Variants in ZW10 observed in about 807,000 individuals in gnomAD.
ZW10 encodes the protein centromere/kinetochore protein zw10 homolog.
A neutral mutation model predicts 87.8 loss-of-function variants in ZW10; 53 were observed. That is an observed-to-expected ratio of 0.60 (90% CI 0.48 to 0.76). The LOEUF (loss-of-function observed/expected upper bound fraction) is 0.76, where lower values mean the gene tolerates loss of function less well. Ranked by LOEUF, ZW10 falls within the 30% of genes least tolerant of loss-of-function variation. The probability of loss-of-function intolerance (pLI) is 0.00; values close to 1 mark genes in which losing one functional copy is unlikely to be tolerated. For synonymous variants in ZW10, 312 were observed against 329.2 expected, an observed-to-expected ratio of 0.95 and a Z score of 0.57; for missense variants, 837 against 923.0, an observed-to-expected ratio of 0.91 and a Z score of 1.21.
intron 12 of ZW10, 80 bp downstream of exon 12, chr11:113,739,133 T>C: frequency 2.7e-6 from 4 of 1,503,424 alleles, no homozygotes; most frequent in Non-Finnish European, 3.6e-6. Flanking sequence ...TTTCTAATTT[T>C]CTCATTCAAA....
In ZW10 at chr11:113,768,828, C is replaced by G; in HGVS notation, c.240+5G>C. On this transcript the variant is annotated splice_donor_5th_base_variant and intron_variant, in intron 2 of 15. Coordinates refer to ENST00000200135, the MANE Select transcript of ZW10 (RefSeq NM_004724.4). ...AACCTACCCAATATAACAAATTATCCTTACCTCACTCTCTATCCTGGATTT... is the reference window on the plus strand; with the variant it reads ...AACCTACCCAATATAACAAATTATCGTTACCTCACTCTCTATCCTGGATTT... The G allele has an allele frequency of 6.2e-7, 1 of 1,613,816 alleles. No homozygotes were observed. Among genetic ancestry groups the G allele is most frequent in the Non-Finnish European group, 8.5e-7 (1 of 1,179,900 alleles).
intron 7 of ZW10, among the ~76,000 whole-genome samples, chr11:113,752,653 G>A (rs1953745496): frequency 6.6e-6 from 1 of 152,140 alleles, no homozygotes; most frequent in South Asian, 2.1e-4. Context: ...GTAAGACAGT[G>A]AACTTAACAA....
At chr11:113,737,084 C>A (rs1953562264) in intron 14 of ZW10, among the ~76,000 whole-genome samples, 1 of 152,130 alleles carries the variant, frequency 6.6e-6, no homozygotes, top group Non-Finnish European at 1.5e-5. Flanking sequence ...GAATGTCGCA[C>A]AGCTTGTTGC....
Position 113,741,767 on chromosome 11 carries a change from T to C in ZW10, c.1512-2A>G. ...ACTGAGTAGAAAAGTTGAACAGCAC[T>C]AAAAAGAAAACATAGACTTAACAGA... On this transcript the variant is annotated splice_acceptor_variant, in intron 10 of 15. Transcript: ENST00000200135. LOFTEE classifies it high-confidence loss of function. 6.2e-7 allele frequency: 1 copy of C among 1,601,800 alleles called. No individual in the cohort carries two copies. The highest frequency in any genetic ancestry group is 8.5e-7 in the Non-Finnish European group (1 of 1,174,004).
intron 5 of ZW10, 38 bp downstream of exon 5, chr11:113,760,171 C>A: frequency 3.8e-6 from 6 of 1,599,338 alleles, no homozygotes; most frequent in Non-Finnish European, 5.1e-6. Context: ...CTGGTTCAGG[C>A]AGATGAAGCA....
chr11:113,750,481 T>C (rs1353782126), intron 7 of ZW10, among the ~76,000 whole-genome samples: 2 of 152,106 alleles, frequency 1.3e-5, no homozygotes, highest in Admixed American at 1.3e-4. Context: ...TTTTTGTATA[T>C]TTAGTAGAGA....
In ZW10 at chr11:113,733,675, C is replaced by A. The variant is rs202014087; in HGVS notation, c.*19G>T. Reference sequence around the variant, plus strand: ...AAGAATCCACATATTCAAGACATAGCTTTCTTAAGAAGATGGAGCTATTTA... The same window carrying A: ...AAGAATCCACATATTCAAGACATAGATTTCTTAAGAAGATGGAGCTATTTA... On this transcript the variant is annotated 3_prime_UTR_variant, in exon 16 of 16. Transcript: ENST00000200135. 47 of 1,613,560 alleles carry A rather than the reference C, an allele frequency of 2.9e-5. No individual in the cohort carries two copies. Among genetic ancestry groups the A allele is most frequent in the Non-Finnish European group, 5.1e-6 (6 of 1,179,962 alleles).
At chr11:113,770,134 G>C (rs1953948825) in intron 1 of ZW10, 1 of 147,504 alleles carries the variant, frequency 6.8e-6, no homozygotes, top group African/African-American at 2.6e-5. Flanking sequence ...TGTCATCCAG[G>C]CTGGAATGCG....
At chr11:113,765,942 T>C (rs1036021552) in intron 2 of ZW10, among the ~76,000 whole-genome samples, 1 of 152,176 alleles carries the variant, frequency 6.6e-6, no homozygotes, top group Non-Finnish European at 1.5e-5. Flanking sequence ...TCTATTAATA[T>C]AAAGCAATCT....
At chr11:113,751,633 T>C (rs1315064940) in intron 7 of ZW10, among the ~76,000 whole-genome samples, 1 of 152,212 alleles carries the variant, frequency 6.6e-6, no homozygotes, top group Non-Finnish European at 1.5e-5. Flanking sequence ...CCCCGCACTT[T>C]GGGAGCCAAG....
intron 6 of ZW10, among the ~76,000 whole-genome samples, chr11:113,758,206 CA>C (rs141700450): frequency 5.4e-5 from 8 of 148,748 alleles, no homozygotes; most frequent in African/African-American, 7.4e-5. Context: ...GTAAGCATGT[CA>C]AAAAAAAAAT....
chr11:113,760,060 G>C, intron 5 of ZW10, 149 bp downstream of exon 5: 2 of 973,344 alleles, frequency 2.1e-6, no homozygotes, highest in Non-Finnish European at 2.9e-6. Context: ...TTGGTCCTAA[G>C]AAAGCATCTT....
chr11:113,757,808 G>A lies in ZW10; in HGVS notation c.779C>T (p.Pro260Leu), dbSNP rs1953807893. ...GCTTTCTATCACAGCATGAAGGGAT[G>A]GGCAAGATGCCAGCGGCCTAAGGAT... ...KYILRPLASC[P>L]SLHAVIESQP... The change falls in exon 7 of 16, where the codon CCA (proline) becomes CTA (leucine). Residue 260 changes from proline (P) to leucine (L), a missense_variant. Coordinates refer to ENST00000200135, the MANE Select transcript of ZW10 (RefSeq NM_004724.4). 6.2e-7 allele frequency: 1 copy of A among 1,612,778 alleles called. No homozygotes were observed. Among genetic ancestry groups the A allele is most frequent in the Non-Finnish European group, 8.5e-7 (1 of 1,179,244 alleles).
intron 9 of ZW10, among the ~76,000 whole-genome samples, chr11:113,745,660 G>A (rs902481500): frequency 1.3e-5 from 2 of 152,152 alleles, no homozygotes; most frequent in African/African-American, 4.8e-5. Context: ...TCGAAAAGGT[G>A]ACTTCATGAG....
intron 7 of ZW10, among the ~76,000 whole-genome samples, chr11:113,755,472 T>TC (rs1157207502): frequency 3.9e-5 from 6 of 152,194 alleles, no homozygotes; most frequent in Non-Finnish European, 8.8e-5. Context: ...CCCGAATGTA[T>TC]GATAAGTTGT....
chr11:113,740,349 G>A (rs1401746901), intron 11 of ZW10, among the ~76,000 whole-genome samples: 5 of 152,116 alleles, frequency 3.3e-5, no homozygotes, highest in African/African-American at 1.2e-4. Flanking sequence ...ATCATTTTGA[G>A]AGACCAAGGC....
At chr11:113,744,398 G>A (rs1165633772) in intron 9 of ZW10, among the ~76,000 whole-genome samples, 3 of 151,566 alleles carry the variant, frequency 2.0e-5, no homozygotes, top group East Asian at 3.9e-4. Context: ...GCACGACTCC[G>A]TCTCAAAAAA....
chr11:113,739,224 A>G lies in ZW10; in HGVS notation c.1742T>C (p.Phe581Ser), dbSNP rs1412386164. 6.2e-7 allele frequency: 1 copy of G among 1,613,908 alleles called. No homozygotes were observed. The highest frequency in any genetic ancestry group is 2.2e-5 in the East Asian group (1 of 44,878). The change falls in exon 12 of 16, where the codon TTC (phenylalanine) becomes TCC (serine). Residue 581 changes from phenylalanine to serine, a missense_variant. Transcript: ENST00000200135. ...AAAGTATCAGTTACCAAGTCTCCTG[A>G]AGCCAGGTACAAGATCCACAAAAGT... Reference protein sequence around the residue: ...TATFVDLVPGFRRLGTECFLA... With the variant: ...TATFVDLVPGSRRLGTECFLA...
chr11:113,737,808 C>T (rs922255894), intron 13 of ZW10, 105 bp from the exon 14 acceptor site: 10 of 1,323,578 alleles, frequency 7.6e-6, no homozygotes, highest in Non-Finnish European at 8.2e-6. Context: ...TGGCATTATG[C>T]CAAAATGAGG....
Sources: allele counts gnomAD v4.1 joint callset (sites outside exome capture counted in the v4.1 genomes callset), GRCh38; gene constraint gnomAD v4.1.1; transcripts MANE v1.5; gene names NCBI Gene and HGNC (gene_info 2026-07-23, HGNC 2026-07-21).